The following PRKCA variants were observed in gnomAD, a reference collection of about 807,000 sequenced individuals.
The protein encoded by PRKCA is protein kinase C alpha.
Under a neutral mutation model 87.0 loss-of-function variants are expected in PRKCA, and 27 were observed. The ratio of observed to expected loss-of-function variants is 0.31; its 90% CI spans 0.23 to 0.43. The LOEUF is 0.43. Ranked by LOEUF, PRKCA falls within the 20% of genes least tolerant of loss-of-function variation. The probability of loss-of-function intolerance (pLI) is 1.00; values close to 1 mark genes in which losing one functional copy is unlikely to be tolerated. For missense variants in PRKCA, 518 were observed against 852.3 expected (o/e 0.61, Z 4.88); for synonymous variants, 329 against 311.1 (o/e 1.06, Z -0.61).
intron 3 of PRKCA, among the ~76,000 whole-genome samples, chr17:66,628,654 T>C (rs1344622731): frequency 6.6e-6 from 1 of 152,164 alleles, no homozygotes; most frequent in African/African-American, 2.4e-5. Flanking sequence ...AGTAACAAAT[T>C]ACTAGAATAC....
At chr17:66,672,835 G>A (rs547659763) in intron 5 of PRKCA, among the ~76,000 whole-genome samples, 8 of 152,296 alleles carry the variant, frequency 5.3e-5, no homozygotes, top group Admixed American at 5.2e-4. Context: ...CTAGTGTGAT[G>A]TGAATTCTAT....
At chr17:66,615,027 T>C (rs1970478428) in intron 3 of PRKCA, among the ~76,000 whole-genome samples, 1 of 152,178 alleles carries the variant, frequency 6.6e-6, no homozygotes, top group Non-Finnish European at 1.5e-5. Flanking sequence ...TCTGTGTCTC[T>C]GTTGTACCAT....
chr17:66,391,703 G>A (rs552494811), intron 2 of PRKCA, among the ~76,000 whole-genome samples: 1 of 151,954 alleles, frequency 6.6e-6, no homozygotes, highest in Admixed American at 6.6e-5. Flanking sequence ...ATTTTCTTTC[G>A]GAAACTTTCA....
Position 66,302,964 on chromosome 17 carries a change from A to G in PRKCA, c.113A>G (p.Lys38Arg), listed in dbSNP as rs1904592410. Residue 38 changes from lysine to arginine, a missense_variant, in exon 1 of 17, where the codon AAA (lysine) becomes AGA (arginine). Lys to Arg is a conservative substitution (Grantham distance 26). Transcript: ENST00000413366. Reference sequence around the variant, plus strand: ...AACGTGCACGAGGTGAAGGACCACAAATTCATCGCGCGCTTCTTCAAGCAG... The same window carrying G: ...AACGTGCACGAGGTGAAGGACCACAGATTCATCGCGCGCTTCTTCAAGCAG... The part of the protein sequence containing the change: ...QKNVHEVKDH[K>R]FIARFFKQPT... 8.1e-6 allele frequency: 13 copies of G among 1,611,698 alleles called. No individual in the cohort carries two copies. Among genetic ancestry groups the G allele is most frequent in the South Asian group, 1.1e-5 (1 of 90,836 alleles).
At chr17:66,707,502 C>G (rs371260198) in intron 8 of PRKCA, among the ~76,000 whole-genome samples, 2 of 152,134 alleles carry the variant, frequency 1.3e-5, no homozygotes, top group Admixed American at 6.5e-5. Context: ...CGAGAACCTC[C>G]CTTTCTTCCT....
At chr17:66,690,615 T>C (rs949897144) in intron 8 of PRKCA, among the ~76,000 whole-genome samples, 1 of 152,074 alleles carries the variant, frequency 6.6e-6, no homozygotes, top group African/African-American at 2.4e-5. Context: ...GGCAGATCAC[T>C]TGAGGTCAGG....
Position 66,414,282 on chromosome 17 carries a change from G to C in PRKCA, c.206-81919G>C, listed in dbSNP as rs1911996421. 5.3e-5 allele frequency among the ~76,000 whole-genome samples: 8 copies of C among 152,114 alleles called. No homozygotes were observed. In the South Asian group the frequency reaches 1.7e-3, roughly 32 times the overall value. On this transcript the variant is annotated intron_variant, in intron 2 of 16. Coordinates refer to ENST00000413366, the MANE Select transcript of PRKCA (RefSeq NM_002737.3). ...GCCCCATCACCTTGGTGCTGTGAGT[G>C]AGTTCTCACGAGATCTGGTCGTTTA...
At chr17:66,537,028 C>T (rs1967815242) in intron 3 of PRKCA, among the ~76,000 whole-genome samples, 2 of 152,092 alleles carry the variant, frequency 1.3e-5, no homozygotes, top group Non-Finnish European at 2.9e-5. Flanking sequence ...TTCAGTAATT[C>T]ACTCTCTGGG....
intron 2 of PRKCA, among the ~76,000 whole-genome samples, chr17:66,481,206 T>C (rs1239394663): frequency 6.6e-6 from 1 of 152,182 alleles, no homozygotes; most frequent in East Asian, 1.9e-4. Context: ...TGAAATGTTC[T>C]CTTAGTGACT....
intron 2 of PRKCA, among the ~76,000 whole-genome samples, chr17:66,461,011 G>T (rs1914824757): frequency 6.6e-6 from 1 of 152,046 alleles, no homozygotes; most frequent in African/African-American, 2.4e-5. Flanking sequence ...TTGGAGACCA[G>T]CCTGGGCGAC....
At chr17:66,729,139 C>T (rs947778775) in intron 8 of PRKCA, among the ~76,000 whole-genome samples, 5 of 152,092 alleles carry the variant, frequency 3.3e-5, no homozygotes, top group African/African-American at 9.7e-5. Context: ...CAATTGGGTG[C>T]GGTGGCTCAC....
chr17:66,369,206 C>T (rs137917319), intron 2 of PRKCA, among the ~76,000 whole-genome samples: 127 of 152,324 alleles, frequency 8.3e-4, no homozygotes, highest in Middle Eastern at 3.4e-3. Flanking sequence ...AGTTTCATCA[C>T]AGATGATGCT....
At chr17:66,385,737 G>T (rs1048217559) in intron 2 of PRKCA, among the ~76,000 whole-genome samples, 4 of 152,062 alleles carry the variant, frequency 2.6e-5, no homozygotes, top group African/African-American at 9.7e-5. Flanking sequence ...AATAATACTT[G>T]ATAGAAAATT....
At chr17:66,446,679 A>G (rs1268257836) in intron 2 of PRKCA, among the ~76,000 whole-genome samples, 1 of 152,166 alleles carries the variant, frequency 6.6e-6, no homozygotes, top group Non-Finnish European at 1.5e-5. Context: ...AAACCCCTCC[A>G]AGGCAGCACT....
At chr17:66,330,677 C>T (rs80149499) in intron 2 of PRKCA, among the ~76,000 whole-genome samples, 1 of 152,214 alleles carries the variant, frequency 6.6e-6, no homozygotes, top group Non-Finnish European at 1.5e-5. Flanking sequence ...AAGAGGGTCT[C>T]AGGATGACTG....
At chr17:66,436,028 A>G (rs1166835012) in intron 2 of PRKCA, among the ~76,000 whole-genome samples, 1 of 152,142 alleles carries the variant, frequency 6.6e-6, no homozygotes, top group Non-Finnish European at 1.5e-5. Context: ...CCATGGTGCA[A>G]ATGGGTGGAA....
At chr17:66,427,141 C>T (rs982946836) in intron 2 of PRKCA, among the ~76,000 whole-genome samples, 1 of 152,156 alleles carries the variant, frequency 6.6e-6, no homozygotes, top group Non-Finnish European at 1.5e-5. Flanking sequence ...AAGTGATCCT[C>T]CCACCTCAGC....
intron 13 of PRKCA, among the ~76,000 whole-genome samples, chr17:66,757,711 A>G (rs1233297172): frequency 6.6e-6 from 1 of 152,134 alleles, no homozygotes; most frequent in Admixed American, 6.5e-5. Context: ...AGAAATGTTA[A>G]AAGAATTTTT....
chr17:66,654,421 C>CAGCAGCAG (rs34737326), intron 5 of PRKCA, among the ~76,000 whole-genome samples: 1 of 151,600 alleles, frequency 6.6e-6, no homozygotes, highest in Admixed American at 6.6e-5. Context: ...ATCATCATCA[C>CAGCAGCAG]CAGCAGCAGC....
Sources: gnomAD v4.1 joint callset for allele counts (sites outside exome capture counted in the v4.1 genomes callset) on GRCh38, gnomAD v4.1.1 for gene constraint, MANE v1.5 for transcripts, NCBI Gene and HGNC (gene_info 2026-07-23, HGNC 2026-07-21) for gene names.